THEMIS: variants seen among roughly 807,000 people sequenced by gnomAD.
THEMIS encodes the protein thymocyte selection associated.
Under a neutral mutation model 52.6 loss-of-function variants are expected in THEMIS, and 37 were observed. The ratio of observed to expected loss-of-function variants is 0.70; its 90% confidence interval spans 0.54 to 0.93. The LOEUF (loss-of-function observed/expected upper bound fraction) is 0.93. Ranked by LOEUF, THEMIS falls within the 40% of genes least tolerant of loss-of-function variation. THEMIS has a pLI of 0.00. For missense variants in THEMIS, 808 were observed against 763.1 expected, an observed-to-expected ratio of 1.06 and a Z score of -0.69; for synonymous variants, 292 against 272.7, an observed-to-expected ratio of 1.07 and a Z score of -0.70.
chr6:127,787,899 A>AGATAGAT (rs1471731126), intron 4 of THEMIS, among the ~76,000 whole-genome samples: 7 of 149,638 alleles, frequency 4.7e-5, no homozygotes, highest in Non-Finnish European at 1.0e-4. Context: ...ATAGATAGAT[A>AGATAGAT]GATAGATAGA....
At chr6:127,917,080 CA>C (rs1781542327) in intron 1 of THEMIS, among the ~76,000 whole-genome samples, 1 of 152,132 alleles carries the variant, frequency 6.6e-6, no homozygotes, top group Non-Finnish European at 1.5e-5. Flanking sequence ...TGGAGAAAAA[CA>C]AACCAAAAAA....
intron 1 of THEMIS, among the ~76,000 whole-genome samples, chr6:127,879,287 A>AGAGTT: frequency 6.6e-6 from 1 of 152,184 alleles, no homozygotes; most frequent in African/African-American, 2.4e-5. Context: ...TCTTATGTCT[A>AGAGTT]ACTCTGCAAG....
At chr6:127,777,555 T>G (rs1776606462) in intron 4 of THEMIS, among the ~76,000 whole-genome samples, 1 of 152,110 alleles carries the variant, frequency 6.6e-6, no homozygotes, top group South Asian at 2.1e-4. Flanking sequence ...ACAATTATAT[T>G]GTTAATTAAA....
intron 3 of THEMIS, among the ~76,000 whole-genome samples, chr6:127,817,654 G>T (rs568557956): frequency 8.6e-5 from 13 of 152,004 alleles, no homozygotes; most frequent in Non-Finnish European, 1.8e-4. Context: ...ATTCACCAGA[G>T]AATTGAGGTC....
rs776046220 is a variant in THEMIS at position 127,829,662 on chromosome 6, C to T, written c.523G>A (p.Glu175Lys). The T allele has an allele frequency of 5.0e-5, 81 of 1,613,938 alleles. No homozygotes were observed. Among genetic ancestry groups the T allele is most frequent in the Non-Finnish European group, 6.5e-5 (77 of 1,180,010 alleles). The change falls in exon 3 of 6, where the codon GAG becomes AAG. Residue 175 changes from glutamate (E) to lysine (K), a missense_variant. Transcript: ENST00000368248. ...LPLSQEGEFY[E>K]CEDERIYTLK... ...GTGTAAATACGTTCATCTTCACACTCGTAGAATTCTCCTTCTTGTGACAAA... is the reference window on the plus strand; with the variant it reads ...GTGTAAATACGTTCATCTTCACACTTGTAGAATTCTCCTTCTTGTGACAAA...
At chr6:127,744,629 A>G (rs1385512288) in intron 4 of THEMIS, among the ~76,000 whole-genome samples, 3 of 152,146 alleles carry the variant, frequency 2.0e-5, no homozygotes, top group Non-Finnish European at 2.9e-5. Flanking sequence ...TAAAATGGTC[A>G]AACTTGTGAA....
At chr6:127,882,712 T>C (rs2114435248) in intron 1 of THEMIS, among the ~76,000 whole-genome samples, 1 of 151,996 alleles carries the variant, frequency 6.6e-6, no homozygotes. Flanking sequence ...AAAATATAAA[T>C]GTTGTAAATT....
chr6:127,873,587 C>A (rs552219544), intron 1 of THEMIS, among the ~76,000 whole-genome samples: 1 of 152,232 alleles, frequency 6.6e-6, no homozygotes, highest in Non-Finnish European at 1.5e-5. Flanking sequence ...AATTGGACAT[C>A]CATAAAATTA....
intron 4 of THEMIS, among the ~76,000 whole-genome samples, chr6:127,784,989 ATCTATCTATC>A (rs1297524058): frequency 8.0e-6 from 1 of 125,408 alleles, no homozygotes. Flanking sequence ...CTATCTATCT[ATCTATCTATC>A]TATCTATTAT....
intron 3 of THEMIS, among the ~76,000 whole-genome samples, chr6:127,827,571 C>A (rs940989140): frequency 2.6e-5 from 4 of 152,158 alleles, no homozygotes; most frequent in African/African-American, 9.7e-5. Flanking sequence ...CCTACCTAAA[C>A]AAATATGTTA....
At chr6:127,793,493 A>C (rs1214818463) in intron 4 of THEMIS, among the ~76,000 whole-genome samples, 1 of 152,164 alleles carries the variant, frequency 6.6e-6, no homozygotes, top group Non-Finnish European at 1.5e-5. Context: ...TACATGCAGG[A>C]TTAAGAAGAG....
At chr6:127,731,729 G>C (rs1428334649) in intron 4 of THEMIS, among the ~76,000 whole-genome samples, 1 of 127,818 alleles carries the variant, frequency 7.8e-6, no homozygotes, top group East Asian at 2.2e-4. Context: ...ATGGAGTCTC[G>C]CTCTGTCGCC....
chr6:127,907,283 C>T (rs1055371844), intron 1 of THEMIS, among the ~76,000 whole-genome samples: 1 of 138,724 alleles, frequency 7.2e-6, no homozygotes, highest in Non-Finnish European at 1.5e-5. Context: ...TTTCTACCTA[C>T]AAAATAAGCT....
chr6:127,819,444 A>G (rs1477147468), intron 3 of THEMIS, among the ~76,000 whole-genome samples: 1 of 152,188 alleles, frequency 6.6e-6, no homozygotes, highest in Non-Finnish European at 1.5e-5. Context: ...GCAGCTTCAA[A>G]ACATTAAGCA....
chr6:127,710,498 A>G (rs1337912334), intron 5 of THEMIS, among the ~76,000 whole-genome samples: 1 of 151,974 alleles, frequency 6.6e-6, no homozygotes, highest in Non-Finnish European at 1.5e-5. Context: ...AGCCTATTGG[A>G]GTTCTAAGAA....
downstream of THEMIS, among the ~76,000 whole-genome samples, chr6:127,705,544 T>C (rs1295330151): frequency 1.3e-5 from 2 of 152,214 alleles, no homozygotes; most frequent in Non-Finnish European, 1.5e-5. Context: ...AGAATTTTAT[T>C]ACACTGAATC....
intron 4 of THEMIS, among the ~76,000 whole-genome samples, chr6:127,789,086 C>A (rs1168184903): frequency 6.6e-6 from 1 of 152,102 alleles, no homozygotes; most frequent in African/African-American, 2.4e-5. Flanking sequence ...TCAATTAATA[C>A]AGGAGCTGAT....
chr6:127,717,555 A>G (rs2114476967), intron 5 of THEMIS, among the ~76,000 whole-genome samples: 1 of 152,074 alleles, frequency 6.6e-6, no homozygotes, highest in African/African-American at 2.4e-5. Flanking sequence ...TTTCTTAGTG[A>G]AGACATCAGT....
In THEMIS at chr6:127,791,161, A is replaced by G. The variant is rs1055178644; in HGVS notation, c.1758+21722T>C. Among the ~76,000 whole-genome samples, 11 of 152,304 alleles carry G rather than the reference A, an allele frequency of 7.2e-5. 1 individual carries two copies. In the East Asian group the frequency reaches 1.7e-3, roughly 24 times the overall value. On this transcript the variant is annotated intron_variant, in intron 4 of 5. Coordinates refer to ENST00000368248, the MANE Select transcript of THEMIS (RefSeq NM_001010923.3). The stretch of plus-strand genomic sequence containing the variant: ...GGTCCCAAGTTCTTGTACTGCATCC[A>G]GGAAGAATGAGTTATGCAGACAAGT...
Sources: gnomAD v4.1 joint callset for allele counts (sites outside exome capture counted in the v4.1 genomes callset) on GRCh38, gnomAD v4.1.1 for gene constraint, MANE v1.5 for transcripts, NCBI Gene and HGNC (gene_info 2026-07-23, HGNC 2026-07-21) for gene names.